Variants in TRAF3IP1 observed in about 807,000 individuals in gnomAD.
TRAF3IP1 encodes the protein TRAF3-interacting protein 1.
In TRAF3IP1, 53 loss-of-function variants were observed where a neutral mutation model predicts 89.9. That is an observed-to-expected ratio of 0.59 (90% CI 0.47 to 0.74). The LOEUF (loss-of-function observed/expected upper bound fraction) is 0.74, where lower values mean the gene tolerates loss of function less well. TRAF3IP1 is among the 30% of genes least tolerant of loss of function. TRAF3IP1 has a pLI of 0.00. For missense variants in TRAF3IP1, 806 were observed against 866.1 expected, an observed-to-expected ratio of 0.93 and a Z score of 0.87; for synonymous variants, 311 against 322.1, an observed-to-expected ratio of 0.97 and a Z score of 0.37.
At position 238,368,925 on chromosome 2, in the gene TRAF3IP1, G is replaced by A. The variant is rs966711988; in HGVS notation, c.1689+12845G>A. Among the ~76,000 whole-genome samples, 8 of 152,166 alleles carry A rather than the reference G, an allele frequency of 5.3e-5. No individual in the cohort carries two copies. The East Asian group carries it at 1.2e-3, about 22-fold the overall frequency. On this transcript the variant is annotated intron_variant, in intron 15 of 16. Transcript: ENST00000373327. ...TGACCTCAGGCGATCCACCCGCCTC[G>A]GCCTCCCAAAGTGCTGGGATTACAA...
chr2:238,336,275 G>T (rs1239463278), intron 7 of TRAF3IP1, among the ~76,000 whole-genome samples: 1 of 152,148 alleles, frequency 6.6e-6, no homozygotes, highest in Non-Finnish European at 1.5e-5. Flanking sequence ...ACATTTATGG[G>T]CTTTTTGACA....
chr2:238,334,161 T>C (rs1698270298), intron 7 of TRAF3IP1, 126 bp downstream of exon 7: 12 of 719,244 alleles, frequency 1.7e-5, no homozygotes, highest in Non-Finnish European at 1.6e-5. Flanking sequence ...TGTCTGGGAA[T>C]GAACAGCGTG....
At chr2:238,391,289 G>A (rs1700985220) in intron 15 of TRAF3IP1, among the ~76,000 whole-genome samples, 1 of 152,178 alleles carries the variant, frequency 6.6e-6, no homozygotes, top group African/African-American at 2.4e-5. Flanking sequence ...CACAGCAGGG[G>A]CAGTCATCTA....
chr2:238,364,632 CATTTT>C (rs1038002783), intron 15 of TRAF3IP1, among the ~76,000 whole-genome samples: 13 of 151,972 alleles, frequency 8.6e-5, no homozygotes, highest in African/African-American at 3.1e-4. Context: ...TTCTCTTTTT[CATTTT>C]ATATCTAATT....
Position 238,351,878 on chromosome 2 carries a change from C to T in TRAF3IP1, c.1452-949C>T, listed in dbSNP as rs1355681274. ...GTGTGTGTGTGTGTGCGCGCGCGCG[C>T]GTGTGCGTGCATGTGCTTGTGTGTA... On this transcript the variant is annotated intron_variant, in intron 12 of 16. Coordinates refer to ENST00000373327, the MANE Select transcript of TRAF3IP1 (RefSeq NM_015650.4). The surrounding 1 kb of genome is among the most constrained non-coding windows in gnomAD (Gnocchi z 5.2). Among the ~76,000 whole-genome samples the T allele has an allele frequency of 5.4e-5, 8 of 147,836 alleles. No individual in the cohort carries two copies. Among genetic ancestry groups the T allele is most frequent in the East Asian group, 2.0e-4 (1 of 5,084 alleles).
At chr2:238,325,432 G>A (rs1697776392) in intron 2 of TRAF3IP1, 58 bp downstream of exon 2, 1 of 1,552,518 alleles carries the variant, frequency 6.4e-7, no homozygotes, top group African/African-American at 1.4e-5. Context: ...GGGATTTTTT[G>A]TAGGCCTGGT....
chr2:238,350,814 G>A (rs1699116502), intron 12 of TRAF3IP1, among the ~76,000 whole-genome samples: 1 of 152,026 alleles, frequency 6.6e-6, no homozygotes, highest in African/African-American at 2.4e-5. Flanking sequence ...GCTGCAGTTG[G>A]CTACACCTAC....
At chr2:238,328,618 G>A (rs1410633772) in intron 3 of TRAF3IP1, 68 bp from the exon 4 acceptor site, 5 of 1,537,862 alleles carry the variant, frequency 3.3e-6, no homozygotes, top group African/African-American at 1.4e-5. Flanking sequence ...GAATGGCGAT[G>A]TTCTATTTGT....
In TRAF3IP1 at chr2:238,351,874, CGCGCGT is replaced by C. The variant is rs1699183683; in HGVS notation, c.1452-951_1452-946del. On this transcript the variant is annotated intron_variant, in intron 12 of 16. Transcript: ENST00000373327. This position sits in a 1 kb window ranked among gnomAD's most constrained non-coding sequence, Gnocchi z 5.2. ...GTGTGTGTGTGTGTGTGTGCGCGCGCGCGCGTGTGCGTGCATGTGCTTGTGTGTATG... is the reference window on the plus strand; with the variant it reads ...GTGTGTGTGTGTGTGTGTGCGCGCGCGTGCGTGCATGTGCTTGTGTGTATG... Among the ~76,000 whole-genome samples, 1 of 146,018 alleles carries C rather than the reference CGCGCGT, an allele frequency of 6.8e-6. No homozygotes were observed. The highest frequency in any genetic ancestry group is 1.5e-5 in the Non-Finnish European group (1 of 67,416).
intron 15 of TRAF3IP1, among the ~76,000 whole-genome samples, chr2:238,378,650 A>G (rs1247086434): frequency 6.6e-6 from 1 of 152,220 alleles, no homozygotes; most frequent in Non-Finnish European, 1.5e-5. Context: ...TAGGTTTTAG[A>G]ATCAAGGTTA....
rs576860018 is a variant in TRAF3IP1, at chr2:238,399,031, A to G, written c.*112A>G. ...TTGCTAAGAAAATGAACAGTTTACA[A>G]TGTTATTATCCAGCTAATTTTCAGA... On this transcript the variant is annotated 3_prime_UTR_variant, in exon 17 of 17. Coordinates refer to ENST00000373327, the MANE Select transcript of TRAF3IP1 (RefSeq NM_015650.4). 2.1e-6 allele frequency: 2 copies of G among 966,566 alleles called. No individual in the cohort carries two copies. The highest frequency in any genetic ancestry group is 1.7e-5 in the African/African-American group (1 of 60,362). 59.9% of individuals were successfully genotyped at this position (966,566 alleles called of 1,614,324 possible).
At chr2:238,328,045 A>T (rs1028155971) in intron 3 of TRAF3IP1, among the ~76,000 whole-genome samples, 1 of 152,202 alleles carries the variant, frequency 6.6e-6, no homozygotes, top group Admixed American at 6.5e-5. Context: ...TGCTATGAAC[A>T]TGGGTATACA....
intron 14 of TRAF3IP1, among the ~76,000 whole-genome samples, chr2:238,353,806 C>T (rs1375976027): frequency 6.6e-6 from 1 of 152,080 alleles, no homozygotes; most frequent in African/African-American, 2.4e-5. Context: ...CGGAGTCTTG[C>T]CCTGTCACCC....
In TRAF3IP1 at chr2:238,377,850, G is replaced by T. The variant is rs151224799; in HGVS notation, c.1690-19609G>T. On this transcript the variant is annotated intron_variant, in intron 15 of 16. Coordinates refer to ENST00000373327, the MANE Select transcript of TRAF3IP1 (RefSeq NM_015650.4). ...CTTTGTGGGAAATACTTAAACCATT[G>T]TTTTCATTTTTGTATTAATTATGAG... 1.0e-3 allele frequency among the ~76,000 whole-genome samples: 152 copies of T among 152,104 alleles called. 2 individuals carry two copies. The highest frequency in any genetic ancestry group is 3.4e-3 in the African/African-American group (143 of 41,518).
In TRAF3IP1 at chr2:238,325,870, G is replaced by A; in HGVS notation, c.254G>A (p.Gly85Glu). The change falls in exon 3 of 17, where the codon GGA (glycine) becomes GAA (glutamate). Residue 85 changes from glycine (G) to glutamate (E), a missense_variant. Around this residue, in one of 3 missense-constraint regions of TRAF3IP1, gnomAD observed 732 missense variants for 780.5 expected, o/e 0.94. Transcript: ENST00000373327. The part of the protein sequence containing the change: ...KAIDVVVMVS[G>E]EPLLAKPARI... ...ATAGACGTGGTTGTAATGGTGTCGG[G>A]AGAGCCACTGTTGGCCAAACCAGCC... 2 of 1,614,206 alleles carry A rather than the reference G, an allele frequency of 1.2e-6. No individual in the cohort carries two copies. The highest frequency in any genetic ancestry group is 2.2e-5 in the South Asian group (2 of 91,090).
intron 8 of TRAF3IP1, among the ~76,000 whole-genome samples, chr2:238,344,037 C>T (rs1698780887): frequency 1.3e-5 from 2 of 151,976 alleles, no homozygotes; most frequent in Admixed American, 1.3e-4. Context: ...GAACATCAGT[C>T]AGTAATTAGT....
In TRAF3IP1 at chr2:238,397,517, T is replaced by C. The variant is rs1376590702; in HGVS notation, c.1748T>C (p.Ile583Thr). Residue 583 changes from isoleucine (I) to threonine (T), a missense_variant, in exon 16 of 17, where the codon ATA (isoleucine) becomes ACA (threonine). Around this residue, in one of 3 missense-constraint regions of TRAF3IP1, gnomAD observed 732 missense variants for 780.5 expected, o/e 0.94. Coordinates refer to ENST00000373327, the MANE Select transcript of TRAF3IP1 (RefSeq NM_015650.4). Reference protein sequence around the residue: ...KKEKDIVSKEIEKLRTSIQTL... With the variant: ...KKEKDIVSKETEKLRTSIQTL... ...GAGAAGGACATCGTTTCCAAGGAGA[T>C]AGAGAAGCTCCGCACGTCCATCCAG... 3 of 1,612,848 alleles carry C rather than the reference T, an allele frequency of 1.9e-6. No homozygotes were observed. The highest frequency in any genetic ancestry group is 2.5e-6 in the Non-Finnish European group (3 of 1,179,836).
At chr2:238,350,973 G>C (rs1245150067) in intron 12 of TRAF3IP1, among the ~76,000 whole-genome samples, 4 of 152,116 alleles carry the variant, frequency 2.6e-5, no homozygotes, top group African/African-American at 7.2e-5. Context: ...AGGAGCCCTC[G>C]GGGTGAAGGT....
chr2:238,395,311 G>A (rs1330516237), intron 15 of TRAF3IP1, among the ~76,000 whole-genome samples: 2 of 152,172 alleles, frequency 1.3e-5, no homozygotes, highest in Non-Finnish European at 2.9e-5. Flanking sequence ...AAATGGTGCT[G>A]GGAAAACTGG....
Sources: gnomAD v4.1 joint callset for allele counts (sites outside exome capture counted in the v4.1 genomes callset) on GRCh38, gnomAD v4.1.1 for gene constraint, gnomAD v4.1.1 regional missense constraint, Gnocchi (gnomAD v3.1) non-coding constraint, MANE v1.5 for transcripts, NCBI Gene and HGNC (gene_info 2026-07-23, HGNC 2026-07-21) for gene names.